The following AGMO variants were observed in gnomAD, a reference collection of about 807,000 sequenced individuals.
The protein encoded by AGMO is alkylglycerol monooxygenase.
Under a neutral mutation model 60.2 loss-of-function variants are expected in AGMO, and 75 were observed. The observed-to-expected ratio is 1.25, with a 90% CI of 1.03 to 1.51. The LOEUF (loss-of-function observed/expected upper bound fraction) is 1.51. Among genes scored for constraint, AGMO ranks in the 40% most tolerant of loss-of-function variants. AGMO has a pLI of 0.00. For missense variants in AGMO, 763 were observed against 525.5 expected (o/e 1.45, Z -4.42); for synonymous variants, 261 against 177.1 (o/e 1.47, Z -3.76).
At chr7:15,452,022 T>A (rs1781868030) in intron 3 of AGMO, among the ~76,000 whole-genome samples, 1 of 152,194 alleles carries the variant, frequency 6.6e-6, no homozygotes, top group Non-Finnish European at 1.5e-5. Flanking sequence ...TTCAATCTTG[T>A]CTACCTATTA....
At chr7:15,232,354 TAA>T (rs2128499800) in intron 12 of AGMO, among the ~76,000 whole-genome samples, 1 of 152,326 alleles carries the variant, frequency 6.6e-6, no homozygotes, top group Admixed American at 6.5e-5. Context: ...CTTTCAGAAG[TAA>T]AAGATAGCTT....
chr7:15,335,231 T>C (rs1407886785), intron 12 of AGMO, among the ~76,000 whole-genome samples: 5 of 152,176 alleles, frequency 3.3e-5, no homozygotes, highest in African/African-American at 1.2e-4. Context: ...TAGAGCTGGA[T>C]GTGGAATTCA....
At chr7:15,349,026 CTA>C (rs141440930) in intron 12 of AGMO, among the ~76,000 whole-genome samples, 5,337 of 152,208 alleles carry the variant, frequency 0.035, 102 homozygotes, top group Admixed American at 0.052. Flanking sequence ...TGACTTATTT[CTA>C]TGAGTGACAC....
intron 4 of AGMO, 140 bp downstream of exon 4, chr7:15,430,865 G>A (rs1781215631): frequency 4.0e-6 from 2 of 501,940 alleles, no homozygotes; most frequent in African/African-American, 4.0e-5. Context: ...AAAGATTTTA[G>A]CATCTGGCTT....
intron 12 of AGMO, among the ~76,000 whole-genome samples, chr7:15,246,449 G>C (rs972808711): frequency 1.3e-5 from 2 of 152,154 alleles, no homozygotes; most frequent in African/African-American, 4.8e-5. Context: ...TGCCATTGGA[G>C]TTCATAGACA....
chr7:15,139,805 C>A, the AGMO span, among the ~76,000 whole-genome samples: 6 of 145,118 alleles, frequency 4.1e-5, no homozygotes, highest in African/African-American at 1.6e-4. Context: ...AGCTGCTAGA[C>A]CCTATCTCAA....
intron 10 of AGMO, among the ~76,000 whole-genome samples, chr7:15,380,823 C>T (rs749239037): frequency 2.0e-5 from 3 of 152,080 alleles, no homozygotes; most frequent in African/African-American, 7.2e-5. Flanking sequence ...GGTACTGGCA[C>T]AAAAACAGTC....
intron 3 of AGMO, among the ~76,000 whole-genome samples, chr7:15,464,587 T>C (rs575200296): frequency 1.3e-5 from 2 of 152,278 alleles, no homozygotes; most frequent in African/African-American, 4.8e-5. Flanking sequence ...AGTTAGGTGA[T>C]TAATCTAAGA....
At chr7:15,557,987 C>A (rs2115312283) in intron 2 of AGMO, among the ~76,000 whole-genome samples, 1 of 64,094 alleles carries the variant, frequency 1.6e-5, no homozygotes, top group African/African-American at 6.4e-5. Flanking sequence ...GTTTTGGTTT[C>A]TTTTTTTCCT....
At chr7:15,315,160 A>G (rs1325339061) in intron 12 of AGMO, among the ~76,000 whole-genome samples, 1 of 151,998 alleles carries the variant, frequency 6.6e-6, no homozygotes, top group Non-Finnish European at 1.5e-5. Flanking sequence ...TTGACGTACA[A>G]AGACTTCTGG....
chr7:15,340,309 G>A (rs935983586), intron 12 of AGMO, among the ~76,000 whole-genome samples: 1 of 152,142 alleles, frequency 6.6e-6, no homozygotes, highest in Non-Finnish European at 1.5e-5. Flanking sequence ...TATCATATCA[G>A]TACTCAAAGT....
chr7:15,258,311 G>T (rs563111869), intron 12 of AGMO, among the ~76,000 whole-genome samples: 103 of 149,292 alleles, frequency 6.9e-4, no homozygotes, highest in South Asian at 5.9e-3. Context: ...TTCTTTTTTT[G>T]GGGGGGGTGG....
At chr7:15,317,002 C>T (rs183683063) in intron 12 of AGMO, among the ~76,000 whole-genome samples, 1 of 152,156 alleles carries the variant, frequency 6.6e-6, no homozygotes, top group Non-Finnish European at 1.5e-5. Context: ...AAAGGAAATG[C>T]ATCAAGCATA....
At chr7:15,342,921 G>T (rs35460725) in intron 12 of AGMO, among the ~76,000 whole-genome samples, 99 of 151,804 alleles carry the variant, frequency 6.5e-4, no homozygotes, top group Middle Eastern at 3.4e-3. Context: ...GTACTAAAAG[G>T]CTTCTCTGTG....
intron 12 of AGMO, among the ~76,000 whole-genome samples, chr7:15,253,890 G>A (rs4275122): frequency 0.32 from 48,259 of 151,626 alleles, 11,465 homozygotes; most frequent in African/African-American, 0.67. Flanking sequence ...CCATTATTCT[G>A]TTTTCAATTT....
At chr7:15,545,186 T>C (rs74718163) in intron 2 of AGMO, among the ~76,000 whole-genome samples, 3 of 152,108 alleles carry the variant, frequency 2.0e-5, no homozygotes, top group East Asian at 3.8e-4. Context: ...TAAAAGGCCA[T>C]TTTTTATGTC....
At chr7:15,347,442 T>C (rs1782073572) in intron 12 of AGMO, among the ~76,000 whole-genome samples, 1 of 152,074 alleles carries the variant, frequency 6.6e-6, no homozygotes, top group African/African-American at 2.4e-5. Context: ...TAATCCATGA[T>C]AGAAAGTTAG....
intron 12 of AGMO, among the ~76,000 whole-genome samples, chr7:15,343,115 A>G (rs1288998099): frequency 6.6e-6 from 1 of 152,128 alleles, no homozygotes; most frequent in African/African-American, 2.4e-5. Context: ...GGAATCTAAA[A>G]TTTATATGAT....
the AGMO span, among the ~76,000 whole-genome samples, chr7:15,124,072 A>G: frequency 6.6e-6 from 1 of 152,096 alleles, no homozygotes; most frequent in Admixed American, 6.6e-5. Context: ...GACCTGCAGT[A>G]GAGATGGCAT....
Sources: allele counts gnomAD v4.1 joint callset (sites outside exome capture counted in the v4.1 genomes callset), GRCh38; gene constraint gnomAD v4.1.1; transcripts MANE v1.5; gene names NCBI Gene and HGNC (gene_info 2026-07-23, HGNC 2026-07-21).